Variants in NUP205 observed in about 807,000 individuals in gnomAD.
NUP205 encodes nuclear pore complex protein Nup205.
A neutral mutation model predicts 253.8 loss-of-function variants in NUP205; 76 were observed. That is an observed-to-expected ratio of 0.30 (90% CI 0.25 to 0.36). NUP205 has a LOEUF of 0.36. Among genes scored for constraint, NUP205 ranks in the 10% least tolerant of loss-of-function variants. The pLI, the probability that NUP205 is intolerant of heterozygous loss-of-function variation, is 1.00. For missense variants in NUP205, 2,162 were observed against 2,425.5 expected, an observed-to-expected ratio of 0.89 and a Z score of 2.28; for synonymous variants, 832 against 850.1, an observed-to-expected ratio of 0.98 and a Z score of 0.37.
chr7:135,606,758 A>G lies in NUP205; in HGVS notation c.2913A>G (p.Glu971=). The G allele has an allele frequency of 1.2e-6, 2 of 1,613,498 alleles. No individual in the cohort carries two copies. The highest frequency in any genetic ancestry group is 1.7e-6 in the Non-Finnish European group (2 of 1,179,534). Residue 971 remains glutamate (E), a synonymous_variant, in exon 21 of 43, where the codon GAA becomes GAG. Coordinates refer to ENST00000285968, the MANE Select transcript of NUP205 (RefSeq NM_015135.3). ...EEFVRLEEGS[E]LEKKLVAIRH... ...TGTGATTTCTGCATTAAGGATCAGA[A>G]CTTGAAAAGAAATTAGTTGCAATTC...
In NUP205 at chr7:135,617,681, A is replaced by T; in HGVS notation, c.3770A>T (p.Glu1257Val). ...ATAGGACAGAGACCTCTACTAATGG[A>T]GGTAAGCTCTATTGAGTATGTGTTC... ...AAIGQRPLLM[E>V]EISTVLQYVV... The change falls in exon 27 of 43, where the codon GAG (glutamate) becomes GTG (valine). Residue 1257 changes from glutamate to valine, a missense_variant and splice_region_variant. Physicochemically the swap from Glu to Val is moderately radical, Grantham distance 121. Coordinates refer to ENST00000285968, the MANE Select transcript of NUP205 (RefSeq NM_015135.3). The T allele has an allele frequency of 6.3e-7, 1 of 1,597,812 alleles. No individual in the cohort carries two copies.
chr7:135,570,782 T>TTGTATTAATA (rs1805961216), intron 1 of NUP205, among the ~76,000 whole-genome samples: 1 of 51,692 alleles, frequency 1.9e-5, no homozygotes, highest in Non-Finnish European at 3.6e-5. Context: ...TATATATTAA[T>TTGTATTAATA]TATATTTATA....
chr7:135,572,396 TTTTATAGTAG>T (rs1355542842), intron 2 of NUP205, among the ~76,000 whole-genome samples: 1 of 152,180 alleles, frequency 6.6e-6, no homozygotes, highest in Non-Finnish European at 1.5e-5. Context: ...TTAAGTATTA[TTTTATAGTAG>T]TTTATAGTAT....
chr7:135,628,995 G>A (rs2129491933), intron 34 of NUP205, among the ~76,000 whole-genome samples: 1 of 152,216 alleles, frequency 6.6e-6, no homozygotes, highest in African/African-American at 2.4e-5. Flanking sequence ...AGTAGAAGTG[G>A]GACATTATGA....
chr7:135,628,913 G>C (rs748433191), intron 34 of NUP205, among the ~76,000 whole-genome samples: 2 of 152,140 alleles, frequency 1.3e-5, no homozygotes, highest in Admixed American at 1.3e-4. Context: ...GGCCTATGTG[G>C]TCTTCAAGTT....
intron 35 of NUP205, among the ~76,000 whole-genome samples, chr7:135,631,980 T>C (rs1216001694): frequency 3.3e-5 from 5 of 152,142 alleles, no homozygotes; most frequent in Admixed American, 2.0e-4. Flanking sequence ...CTCCTGACCT[T>C]GTAATCTGCC....
At chr7:135,594,338 A>G (rs1054580092) in intron 12 of NUP205, among the ~76,000 whole-genome samples, 7 of 152,194 alleles carry the variant, frequency 4.6e-5, no homozygotes, top group Admixed American at 1.3e-4. Flanking sequence ...TACAAAGTCT[A>G]TATCTCCTCC....
intron 20 of NUP205, 45 bp downstream of exon 20, chr7:135,606,271 A>G: frequency 1.7e-6 from 2 of 1,175,020 alleles, no homozygotes; most frequent in Middle Eastern, 1.9e-4. Flanking sequence ...TTTACTTTTT[A>G]TATATGCTTA....
chr7:135,565,595 G>T (rs761682602), intron 1 of NUP205, among the ~76,000 whole-genome samples: 1 of 151,850 alleles, frequency 6.6e-6, no homozygotes, highest in Non-Finnish European at 1.5e-5. Flanking sequence ...ACCATGCCTG[G>T]CTAATTTTGT....
chr7:135,620,428 G>T (rs1469732669), intron 30 of NUP205, among the ~76,000 whole-genome samples: 7 of 152,174 alleles, frequency 4.6e-5, no homozygotes, highest in Admixed American at 2.6e-4. Flanking sequence ...AGCTACTCAG[G>T]AGGCTGAAGC....
chr7:135,643,104 G>T, intron 38 of NUP205, 88 bp from the exon 39 acceptor site: 2 of 1,245,224 alleles, frequency 1.6e-6, no homozygotes, highest in South Asian at 1.5e-5. Flanking sequence ...TTAAATTCTG[G>T]GGCATCCCTT....
chr7:135,610,419 C>T (rs994597204), intron 22 of NUP205, among the ~76,000 whole-genome samples: 3 of 152,180 alleles, frequency 2.0e-5, no homozygotes, highest in Non-Finnish European at 2.9e-5. Flanking sequence ...GGGGCTTCAC[C>T]ATGTTGTCCA....
At position 135,600,662 on chromosome 7, in the gene NUP205, T is replaced by C. The variant is rs554632136; in HGVS notation, c.2275-208T>C. On this transcript the variant is annotated intron_variant, in intron 15 of 42. Transcript: ENST00000285968. ...CTTTAAGAATAATGCATTGAAAATATTTTACCTTGAAAATGAGCCAATTCA... is the reference window on the plus strand; with the variant it reads ...CTTTAAGAATAATGCATTGAAAATACTTTACCTTGAAAATGAGCCAATTCA... Among the ~76,000 whole-genome samples the C allele has an allele frequency of 3.5e-5, 5 of 142,192 alleles. No homozygotes were observed. In the South Asian group the frequency reaches 1.1e-3, roughly 32 times the overall value. The allele number at this position is 142,192 out of a possible 152,430, so 93.3% of individuals were successfully genotyped here.
At chr7:135,583,394 G>T (rs1282859364) in intron 7 of NUP205, among the ~76,000 whole-genome samples, 1 of 152,110 alleles carries the variant, frequency 6.6e-6, no homozygotes, top group East Asian at 1.9e-4. Context: ...ACTCTTAATA[G>T]AAAGTTGAAT....
At chr7:135,577,204 A>G in intron 5 of NUP205, 76 bp downstream of exon 5, 2 of 1,396,164 alleles carry the variant, frequency 1.4e-6, no homozygotes, top group Non-Finnish European at 2.0e-6. Context: ...TAGAATGTTC[A>G]TTTTTTCAAG....
rs368436649 is a variant in NUP205 at position 135,587,825 on chromosome 7, T to G, written c.1336-30T>G. 3.8e-5 allele frequency: 60 copies of G among 1,585,224 alleles called. No individual in the cohort carries two copies. In the African/African-American group the frequency reaches 7.5e-4, roughly 20 times the overall value. ...AAAGTAATTTTTCAGTCATAGACATTTCCCTACAGTCTTTGCTTACTCTTT... is the reference window on the plus strand; with the variant it reads ...AAAGTAATTTTTCAGTCATAGACATGTCCCTACAGTCTTTGCTTACTCTTT... On this transcript the variant is annotated intron_variant, in intron 9 of 42. Coordinates refer to ENST00000285968, the MANE Select transcript of NUP205 (RefSeq NM_015135.3).
intron 7 of NUP205, among the ~76,000 whole-genome samples, chr7:135,583,345 A>G (rs1806362114): frequency 1.3e-5 from 2 of 152,186 alleles, no homozygotes; most frequent in African/African-American, 4.8e-5. Context: ...AATCAGCAAT[A>G]TGTTTCTTGA....
intron 31 of NUP205, among the ~76,000 whole-genome samples, chr7:135,624,326 C>T (rs183003896): frequency 5.1e-4 from 77 of 151,608 alleles, no homozygotes; most frequent in Admixed American, 1.3e-3. Context: ...CTCAGCCTCC[C>T]GAGTAGCTGG....
At chr7:135,588,573 T>C (rs1806536697) in intron 10 of NUP205, among the ~76,000 whole-genome samples, 1 of 150,766 alleles carries the variant, frequency 6.6e-6, no homozygotes, top group Non-Finnish European at 1.5e-5. Context: ...AGGCATCCAG[T>C]CTCTTTATTA....
Sources: allele counts gnomAD v4.1 joint callset (sites outside exome capture counted in the v4.1 genomes callset), GRCh38; gene constraint gnomAD v4.1.1; transcripts MANE v1.5; gene names NCBI Gene and HGNC (gene_info 2026-07-23, HGNC 2026-07-21).